The following PRKCB variants were observed in gnomAD, a reference collection of about 807,000 sequenced individuals.
PRKCB encodes the protein protein kinase C beta type.
A neutral mutation model predicts 81.5 loss-of-function variants in PRKCB; 13 were observed. That is an observed-to-expected ratio of 0.16 (90% CI 0.10 to 0.25). The LOEUF (loss-of-function observed/expected upper bound fraction) is 0.25, where lower values mean the gene tolerates loss of function less well. Ranked by LOEUF, PRKCB falls within the 10% of genes least tolerant of loss-of-function variation. The probability of loss-of-function intolerance (pLI) is 1.00; values close to 1 mark genes in which losing one functional copy is unlikely to be tolerated. For synonymous variants in PRKCB, 335 were observed against 321.4 expected (o/e 1.04, Z -0.45); for missense variants, 509 against 875.7 (o/e 0.58, Z 5.29).
In PRKCB at chr16:24,035,546, C is replaced by G; in HGVS notation, c.528C>G (p.Leu176=). 1 of 1,476,534 alleles carries G rather than the reference C, an allele frequency of 6.8e-7. No individual in the cohort carries two copies. Among genetic ancestry groups the G allele is most frequent in the Non-Finnish European group, 9.1e-7 (1 of 1,093,328 alleles). The allele number at this position is 1,476,534 out of a possible 1,614,324, so 91.5% of individuals were successfully genotyped here. The part of the protein sequence containing the change: ...AHIDRDVLIV[L]VRDAKNLVPM... The stretch of plus-strand genomic sequence containing the variant: ...TCGACAGGGACGTCCTCATTGTCCT[C>G]GGTAGGTGGCCCTGGGGCTCCACTG... The change falls in exon 5 of 17, where the codon CTC becomes CTG. Residue 176 remains leucine, a splice_region_variant and synonymous_variant. Coordinates refer to ENST00000643927, the MANE Select transcript of PRKCB (RefSeq NM_002738.7).
intron 8 of PRKCB, among the ~76,000 whole-genome samples, chr16:24,116,877 G>A (rs1966742364): frequency 6.6e-6 from 1 of 152,064 alleles, no homozygotes; most frequent in Admixed American, 6.5e-5. Flanking sequence ...TCTGTCCTGG[G>A]GCAGCTGGGG....
intron 5 of PRKCB, among the ~76,000 whole-genome samples, chr16:24,044,928 G>C (rs1040488299): frequency 2.0e-5 from 3 of 152,150 alleles, no homozygotes; most frequent in African/African-American, 7.2e-5. Context: ...GTGAAGTTTT[G>C]TCTGTATATT....
intron 2 of PRKCB, among the ~76,000 whole-genome samples, chr16:23,965,403 A>G (rs1257677201): frequency 1.3e-5 from 2 of 152,002 alleles, no homozygotes; most frequent in Non-Finnish European, 2.9e-5. Context: ...GTGGATGGGC[A>G]CCTCCGTTGA....
chr16:24,028,617 C>T (rs1177934904), intron 3 of PRKCB, among the ~76,000 whole-genome samples: 2 of 152,198 alleles, frequency 1.3e-5, no homozygotes, highest in East Asian at 1.9e-4. Context: ...TACCAGAATC[C>T]TTTCGAGGTT....
intron 10 of PRKCB, among the ~76,000 whole-genome samples, chr16:24,158,627 T>A (rs546872703): frequency 6.6e-6 from 1 of 150,888 alleles, no homozygotes; most frequent in East Asian, 1.9e-4. Context: ...TGTATGTGTA[T>A]GTGTGTGTAT....
chr16:23,929,596 A>G (rs76583164), intron 2 of PRKCB, among the ~76,000 whole-genome samples: 1 of 152,080 alleles, frequency 6.6e-6, no homozygotes, highest in Non-Finnish European at 1.5e-5. Context: ...CTACGTAATC[A>G]TACCTGTAAC....
chr16:23,838,692 G>A (rs1962211753), intron 2 of PRKCB, among the ~76,000 whole-genome samples: 1 of 152,236 alleles, frequency 6.6e-6, no homozygotes, highest in Admixed American at 6.5e-5. Context: ...GATCCCTAGT[G>A]AGTGTAGGTG....
At chr16:23,885,570 G>A (rs965313222) in intron 2 of PRKCB, among the ~76,000 whole-genome samples, 1 of 152,112 alleles carries the variant, frequency 6.6e-6, no homozygotes, top group Non-Finnish European at 1.5e-5. Flanking sequence ...GCCTCCCAAA[G>A]TGCTGGGATT....
chr16:24,169,337 A>G (rs914956870), intron 10 of PRKCB, among the ~76,000 whole-genome samples: 4 of 152,166 alleles, frequency 2.6e-5, no homozygotes, highest in Admixed American at 6.5e-5. Flanking sequence ...CAAATTTTAC[A>G]TGGCTCCTGG....
intron 7 of PRKCB, among the ~76,000 whole-genome samples, chr16:24,100,346 T>G (rs1056008043): frequency 6.6e-6 from 1 of 152,134 alleles, no homozygotes. Context: ...CCCACTGAAG[T>G]GGGACTGGTC....
At chr16:23,971,005 A>C (rs1024460735) in intron 2 of PRKCB, among the ~76,000 whole-genome samples, 1 of 152,240 alleles carries the variant, frequency 6.6e-6, no homozygotes, top group Non-Finnish European at 1.5e-5. Flanking sequence ...AGTTTTCCTC[A>C]TGCATAAATG....
At chr16:24,198,837 T>A (rs1185879939) in intron 16 of PRKCB, among the ~76,000 whole-genome samples, 1 of 152,212 alleles carries the variant, frequency 6.6e-6, no homozygotes, top group East Asian at 1.9e-4. Flanking sequence ...TACAACCTGA[T>A]GAGAAGCAGA....
chr16:24,034,652 C>T (rs1965590755), intron 4 of PRKCB, among the ~76,000 whole-genome samples: 1 of 152,168 alleles, frequency 6.6e-6, no homozygotes, highest in Non-Finnish European at 1.5e-5. Flanking sequence ...CTATGGCCAG[C>T]CCAGACCCCC....
At chr16:24,107,826 C>T (rs914610018) in intron 7 of PRKCB, among the ~76,000 whole-genome samples, 1 of 152,186 alleles carries the variant, frequency 6.6e-6, no homozygotes, top group African/African-American at 2.4e-5. Context: ...TGTTGGGGCA[C>T]CTTTTATGGA....
rs747080767 is a variant in PRKCB, at chr16:24,217,581, C to A, written c.*2765C>A. The A allele has an allele frequency of 2.0e-6, 2 of 985,466 alleles. No homozygotes were observed. The highest frequency in any genetic ancestry group is 2.4e-6 in the Non-Finnish European group (2 of 829,968). The allele number at this position is 985,466 out of a possible 1,614,324, so 61.0% of individuals were successfully genotyped here. A position where few individuals can be genotyped will look rare whatever the true frequency, so the allele number is the denominator to read the frequency against. On this transcript the variant is annotated 3_prime_UTR_variant, in exon 17 of 17. Coordinates refer to ENST00000643927, the MANE Select transcript of PRKCB (RefSeq NM_002738.7). ...ATCCAGGAGTATTTTCTCTGGGGATCTGCCCACAGGACAAAGTCCATAAAA... is the reference window on the plus strand; with the variant it reads ...ATCCAGGAGTATTTTCTCTGGGGATATGCCCACAGGACAAAGTCCATAAAA...
At chr16:24,003,333 C>T (rs1965065542) in intron 3 of PRKCB, among the ~76,000 whole-genome samples, 1 of 151,994 alleles carries the variant, frequency 6.6e-6, no homozygotes, top group Admixed American at 6.6e-5. Context: ...TTACAGTTGA[C>T]CCCATGGAAA....
chr16:23,888,081 G>A (rs563232074), intron 2 of PRKCB, among the ~76,000 whole-genome samples: 2 of 152,228 alleles, frequency 1.3e-5, no homozygotes, highest in South Asian at 2.1e-4. Context: ...CTCCTTTAGC[G>A]CATCAAGTCC....
intron 15 of PRKCB, among the ~76,000 whole-genome samples, chr16:24,188,590 TA>T (rs112860520): frequency 7.9e-4 from 115 of 145,416 alleles, no homozygotes; most frequent in Admixed American, 1.2e-3. Context: ...GATTTTCTAC[TA>T]AAAAAAAAAA....
Position 24,220,225 on chromosome 16 carries a change from A to G in PRKCB, c.*5409A>G, listed in dbSNP as rs1968302201. On this transcript the variant is annotated 3_prime_UTR_variant, in exon 17 of 17. Transcript: ENST00000643927. ...GCACATGCTGGCATTCAACATGTGG[A>G]AAGCTTGTCTTAGAGGGCTTTTCTT... The G allele has an allele frequency of 3.7e-6, 5 of 1,359,612 alleles. No homozygotes were observed. Among genetic ancestry groups the G allele is most frequent in the Non-Finnish European group, 4.0e-6 (4 of 990,448 alleles). The allele number at this position is 1,359,612 out of a possible 1,614,324, so 84.2% of individuals were successfully genotyped here.
Sources: allele counts gnomAD v4.1 joint callset (sites outside exome capture counted in the v4.1 genomes callset), GRCh38; gene constraint gnomAD v4.1.1; transcripts MANE v1.5; gene names NCBI Gene and HGNC (gene_info 2026-07-23, HGNC 2026-07-21).